The following COL23A1 variants were observed in gnomAD, a reference collection of about 807,000 sequenced individuals.
The protein encoded by COL23A1 is collagen type XXIII alpha 1 chain, also known as collagen alpha-1(XXIII) chain.
In COL23A1, 97 loss-of-function variants were observed where a neutral mutation model predicts 99.3. The observed-to-expected ratio is 0.98, with a 90% CI of 0.83 to 1.16. The LOEUF (loss-of-function observed/expected upper bound fraction) is 1.16, where lower values mean the gene tolerates loss of function less well. COL23A1 is among the 50% of genes most tolerant of loss of function. The pLI, the probability that COL23A1 is intolerant of heterozygous loss-of-function variation, is 0.00. For missense variants in COL23A1, 762 were observed against 757.4 expected (o/e 1.01, Z -0.07); for synonymous variants, 320 against 308.2 (o/e 1.04, Z -0.40).
At chr5:178,253,332 T>A (rs574883546) in intron 16 of COL23A1, among the ~76,000 whole-genome samples, 2 of 149,052 alleles carry the variant, frequency 1.3e-5, no homozygotes, top group Admixed American at 6.8e-5. Flanking sequence ...CCCATTGAGA[T>A]GTCCCTGGCC....
At chr5:178,344,526 A>C (rs992674859) in intron 2 of COL23A1, among the ~76,000 whole-genome samples, 3 of 152,176 alleles carry the variant, frequency 2.0e-5, no homozygotes, top group African/African-American at 7.2e-5. Context: ...AGTCCCAGCT[A>C]CGCAGGAGGC....
chr5:178,245,644 A>G (rs1764651496), intron 25 of COL23A1, among the ~76,000 whole-genome samples: 1 of 151,658 alleles, frequency 6.6e-6, no homozygotes, highest in Admixed American at 6.6e-5. Context: ...CCATCCATCA[A>G]TCCTGCATTA....
At position 178,310,587 on chromosome 5, in the gene COL23A1, C is replaced by T. The variant is rs1212442511; in HGVS notation, c.362-3668G>A. On this transcript the variant is annotated intron_variant, in intron 2 of 28. Transcript: ENST00000390654. The surrounding 1 kb of genome is among the most constrained non-coding windows in gnomAD (Gnocchi z 4.3). The stretch of plus-strand genomic sequence containing the variant: ...TGGAGCCCTTCATAGTCTGTGGCTC[C>T]CAAGTGCAAGGACAGTTGTGTCCCA... Among the ~76,000 whole-genome samples, 1 of 152,166 alleles carries T rather than the reference C, an allele frequency of 6.6e-6. No individual in the cohort carries two copies. The highest frequency in any genetic ancestry group is 6.5e-5 in the Admixed American group (1 of 15,282).
chr5:178,356,314 C>T (rs1480581869), intron 2 of COL23A1, among the ~76,000 whole-genome samples: 2 of 152,126 alleles, frequency 1.3e-5, no homozygotes, highest in Non-Finnish European at 2.9e-5. Flanking sequence ...CTGAAAACCA[C>T]GAGTGGTGCA....
chr5:178,464,139 G>A (rs1296852123), intron 2 of COL23A1, among the ~76,000 whole-genome samples: 1 of 152,168 alleles, frequency 6.6e-6, no homozygotes, highest in African/African-American at 2.4e-5. Flanking sequence ...GATACCTTGT[G>A]GCCATCACCA....
chr5:178,589,918 G>T lies in COL23A1; in HGVS notation c.280C>A (p.Arg94Ser), dbSNP rs1041657244. ...AAGACGCTCACCTCCCGCAGCAGGC[G>T]CTCCAGGTGCGGCTCGGCCCAGGCG... ...LDAWAEPHLE[R>S]LLREKLDGLA... is the part of the protein sequence containing the mutation. The change falls in exon 1 of 29, where the codon CGC becomes AGC. Residue 94 changes from arginine (R) to serine (S), a missense_variant. Arg to Ser is a moderately radical substitution (Grantham distance 110, BLOSUM62 -1). Transcript: ENST00000390654. This position sits in a 1 kb window ranked among gnomAD's most constrained non-coding sequence, Gnocchi z 5.4. The T allele has an allele frequency of 1.5e-6, 2 of 1,316,736 alleles. No individual in the cohort carries two copies. Among genetic ancestry groups the T allele is most frequent in the Non-Finnish European group, 1.9e-6 (2 of 1,039,190 alleles). 81.6% of individuals were successfully genotyped at this position (1,316,736 alleles called of 1,614,324 possible).
rs7716953 is a variant in COL23A1, at chr5:178,415,787, T to C, written c.362-108868A>G. On this transcript the variant is annotated intron_variant, in intron 2 of 28. Coordinates refer to ENST00000390654, the MANE Select transcript of COL23A1 (RefSeq NM_173465.4). This position sits in a 1 kb window ranked among gnomAD's most constrained non-coding sequence, Gnocchi z 4.6. Reference sequence around the variant, plus strand: ...AGAGAGCTCCCAGCCTAGCGGGAGGTAGACAGGCAAACAAGAAAGACTGAA... The same window carrying C: ...AGAGAGCTCCCAGCCTAGCGGGAGGCAGACAGGCAAACAAGAAAGACTGAA... Among the ~76,000 whole-genome samples the C allele has an allele frequency of 0.49, 73,752 of 151,278 alleles. 19,852 individuals are homozygous for C. Among genetic ancestry groups the C allele is most frequent in the African/African-American group, 0.72 (29,658 of 41,382 alleles).
At chr5:178,268,159 A>G (rs1756013794) in intron 7 of COL23A1, among the ~76,000 whole-genome samples, 1 of 152,198 alleles carries the variant, frequency 6.6e-6, no homozygotes, top group Non-Finnish European at 1.5e-5. Context: ...GACATGGTCC[A>G]GCTGTGGGAG....
intron 2 of COL23A1, among the ~76,000 whole-genome samples, chr5:178,535,623 G>C (rs1760896273): frequency 6.6e-6 from 1 of 152,260 alleles, no homozygotes; most frequent in Admixed American, 6.5e-5. Flanking sequence ...CACAAGGCGT[G>C]GTCACAGGAA....
At chr5:178,585,734 A>AGCCCTGGATGGCGCTGGGGTAAT (rs1763952089) in intron 1 of COL23A1, among the ~76,000 whole-genome samples, 10 of 113,306 alleles carry the variant, frequency 8.8e-5, no homozygotes, top group Non-Finnish European at 9.9e-5. Context: ...AACACTCCAC[A>AGCCCTGGATGGCGCTGGGGTAAT]GCCCTGGCTG....
intron 2 of COL23A1, among the ~76,000 whole-genome samples, chr5:178,509,535 A>G (rs542108582): frequency 1.3e-3 from 199 of 152,186 alleles, no homozygotes; most frequent in African/African-American, 4.5e-3. Flanking sequence ...CCTGCATTCT[A>G]ACAAGACCCC....
intron 27 of COL23A1, among the ~76,000 whole-genome samples, chr5:178,240,147 G>T (rs1470545692): frequency 6.6e-6 from 1 of 152,214 alleles, no homozygotes; most frequent in Admixed American, 6.5e-5. Context: ...ATAAGCAGGG[G>T]CCGGGTTTCC....
chr5:178,271,260 G>A (rs1055102748), intron 5 of COL23A1, among the ~76,000 whole-genome samples: 1 of 152,154 alleles, frequency 6.6e-6, no homozygotes, highest in African/African-American at 2.4e-5. Flanking sequence ...CCTGGTCTCT[G>A]TCAGCCCCCT....
chr5:178,288,283 A>G, intron 5 of COL23A1, 41 bp downstream of exon 5: 3 of 1,500,522 alleles, frequency 2.0e-6, no homozygotes, highest in Non-Finnish European at 2.8e-6. Context: ...TTGGTTTAAG[A>G]GAAAAGGGTG....
chr5:178,334,665 C>T (rs1435015021), intron 2 of COL23A1, among the ~76,000 whole-genome samples: 1 of 152,214 alleles, frequency 6.6e-6, no homozygotes, highest in African/African-American at 2.4e-5. Flanking sequence ...AAATTACCTA[C>T]ATGGGTCTTG....
chr5:178,488,395 G>A (rs965788495), intron 2 of COL23A1, among the ~76,000 whole-genome samples: 1 of 151,982 alleles, frequency 6.6e-6, no homozygotes, highest in East Asian at 1.9e-4. Context: ...CCCCAGACCC[G>A]GAATCTCTAA....
Position 178,306,600 on chromosome 5 carries a change from G to A in COL23A1, c.406+275C>T, listed in dbSNP as rs888955045. On this transcript the variant is annotated intron_variant, in intron 3 of 28. Coordinates refer to ENST00000390654, the MANE Select transcript of COL23A1 (RefSeq NM_173465.4). This position sits in a 1 kb window ranked among gnomAD's most constrained non-coding sequence, Gnocchi z 4.1. ...GCCTCAGAGAGAGGGGGCTGCTCTG[G>A]AGTGGGGGACTAGGGGCCAACAACG... Among the ~76,000 whole-genome samples, 2 of 149,696 alleles carry A rather than the reference G, an allele frequency of 1.3e-5. No homozygotes were observed. Among genetic ancestry groups the A allele is most frequent in the African/African-American group, 4.9e-5 (2 of 40,670 alleles).
At chr5:178,274,366 C>T (rs1170503905) in intron 5 of COL23A1, among the ~76,000 whole-genome samples, 2 of 152,308 alleles carry the variant, frequency 1.3e-5, no homozygotes, top group East Asian at 1.9e-4. Context: ...CAGGGAAGGG[C>T]CTGGGGCTGG....
intron 1 of COL23A1, among the ~76,000 whole-genome samples, chr5:178,582,903 G>A (rs567529610): frequency 1.4e-4 from 22 of 152,280 alleles, no homozygotes; most frequent in Non-Finnish European, 2.9e-4. Flanking sequence ...GGGCACACCC[G>A]CACTGTCCCA....
Sources: gnomAD v4.1 joint callset for allele counts (sites outside exome capture counted in the v4.1 genomes callset) on GRCh38, gnomAD v4.1.1 for gene constraint, Gnocchi (gnomAD v3.1) non-coding constraint, MANE v1.5 for transcripts, NCBI Gene and HGNC (gene_info 2026-07-23, HGNC 2026-07-21) for gene names.